NPSR1: variants seen among roughly 807,000 people sequenced by gnomAD.
The protein encoded by NPSR1 is neuropeptide S receptor 1.
In NPSR1, 48 loss-of-function variants were observed where a neutral mutation model predicts 46.9. The observed-to-expected ratio is 1.02, with a 90% CI of 0.81 to 1.30. The LOEUF (loss-of-function observed/expected upper bound fraction) is 1.30, where lower values mean the gene tolerates loss of function less well. Ranked by LOEUF, NPSR1 falls within the 50% of genes most tolerant of loss-of-function variation. The pLI is 0.00. For missense variants in NPSR1, 450 were observed against 449.5 expected (o/e 1.00, Z -0.01); for synonymous variants, 176 against 168.1 (o/e 1.05, Z -0.36).
At chr7:34,870,894 GGATGGATGAATGGATGGATGGATA>G (rs1040990487) in intron 8 of NPSR1, among the ~76,000 whole-genome samples, 20 of 150,342 alleles carry the variant, frequency 1.3e-4, no homozygotes, top group African/African-American at 4.7e-4. Flanking sequence ...ATGGATGGAT[GGATGGATGAATGGATGGATGGATA>G]GATGGATGGA....
chr7:34,784,667 C>A (rs903723285), intron 3 of NPSR1, among the ~76,000 whole-genome samples: 5 of 152,026 alleles, frequency 3.3e-5, no homozygotes, highest in African/African-American at 1.2e-4. Flanking sequence ...GTGTCTCTGC[C>A]AGGCTTTGGT....
intron 2 of NPSR1, chr7:34,751,780 C>T (rs370157934): frequency 5.7e-6 from 9 of 1,588,934 alleles, no homozygotes; most frequent in African/African-American, 1.3e-5. Flanking sequence ...TTTTGCACAG[C>T]CCTGCCATAT....
At chr7:34,692,025 C>T (rs1327608215) in intron 2 of NPSR1, among the ~76,000 whole-genome samples, 3 of 152,050 alleles carry the variant, frequency 2.0e-5, no homozygotes, top group Admixed American at 6.6e-5. Context: ...AAGCAACTTG[C>T]AAGGCTGAGC....
intron 2 of NPSR1, among the ~76,000 whole-genome samples, chr7:34,767,492 G>A (rs1340839794): frequency 6.6e-6 from 1 of 151,694 alleles, no homozygotes; most frequent in Non-Finnish European, 1.5e-5. Flanking sequence ...TTTAATTCTA[G>A]GAATCGTAGA....
chr7:34,677,728 C>A (rs141935163), intron 1 of NPSR1, among the ~76,000 whole-genome samples: 2,751 of 152,264 alleles, frequency 0.018, 33 homozygotes, highest in Middle Eastern at 0.031. Context: ...AGAGACCAGC[C>A]CCAGGGGATT....
At chr7:34,804,548 A>G (rs977814475) in intron 3 of NPSR1, among the ~76,000 whole-genome samples, 1 of 152,058 alleles carries the variant, frequency 6.6e-6, no homozygotes, top group Admixed American at 6.6e-5. Context: ...AGCATCTAAA[A>G]AAACCATACA....
At chr7:34,713,955 T>C (rs1043423772) in intron 2 of NPSR1, among the ~76,000 whole-genome samples, 1 of 152,248 alleles carries the variant, frequency 6.6e-6, no homozygotes, top group African/African-American at 2.4e-5. Flanking sequence ...CCATCCCAAA[T>C]ATTAGTGGCT....
intron 2 of NPSR1, among the ~76,000 whole-genome samples, chr7:34,765,422 T>C (rs565575723): frequency 1.1e-4 from 16 of 152,328 alleles, no homozygotes; most frequent in African/African-American, 3.1e-4. Flanking sequence ...AGAGGATATA[T>C]GGATGGCAAA....
chr7:34,663,904 T>G lies in NPSR1; in HGVS notation c.147+5345T>G, dbSNP rs116309963. Among the ~76,000 whole-genome samples, 754 of 152,328 alleles carry G rather than the reference T, an allele frequency of 4.9e-3. 6 individuals carry two copies. The highest frequency in any genetic ancestry group is 0.018 in the African/African-American group (733 of 41,570). On this transcript the variant is annotated intron_variant, in intron 1 of 8. Coordinates refer to ENST00000360581, the MANE Select transcript of NPSR1 (RefSeq NM_207172.2). ...ACTTGTTTCTGTCCATCTGCATTGA[T>G]AAAGAGTGCAGTCTGAGGACAGTGG...
intron 7 of NPSR1, among the ~76,000 whole-genome samples, chr7:34,846,313 C>T (rs1237571260): frequency 6.6e-6 from 1 of 152,136 alleles, no homozygotes; most frequent in Non-Finnish European, 1.5e-5. Flanking sequence ...CAGGAACACC[C>T]TCTAGAGGGT....
intron 8 of NPSR1, among the ~76,000 whole-genome samples, chr7:34,874,643 T>C (rs1182092652): frequency 6.6e-6 from 1 of 152,200 alleles, no homozygotes; most frequent in Non-Finnish European, 1.5e-5. Flanking sequence ...AAGGGTTGGA[T>C]CTTTGGAGCT....
intron 4 of NPSR1, among the ~76,000 whole-genome samples, chr7:34,813,216 A>C (rs1789079930): frequency 6.6e-6 from 1 of 152,166 alleles, no homozygotes; most frequent in South Asian, 2.1e-4. Context: ...CTATGGAAGA[A>C]GTTTCAGTAC....
At chr7:34,667,991 T>C (rs926226360) in intron 1 of NPSR1, among the ~76,000 whole-genome samples, 26 of 151,610 alleles carry the variant, frequency 1.7e-4, no homozygotes, top group African/African-American at 5.8e-4. Flanking sequence ...TAACATATGT[T>C]AGGGGGGTTA....
chr7:34,746,130 C>T (rs1314926898), intron 2 of NPSR1, among the ~76,000 whole-genome samples: 6 of 152,180 alleles, frequency 3.9e-5, no homozygotes, highest in Non-Finnish European at 4.4e-5. Context: ...AATGTTTCTA[C>T]CTCAATACCA....
At chr7:34,685,731 C>A in intron 2 of NPSR1, 1 of 421,768 alleles carries the variant, frequency 2.4e-6, no homozygotes, top group Non-Finnish European at 4.7e-6. Flanking sequence ...CTGAAATTCC[C>A]CTTTTTCTTT....
rs191956017 is a variant in NPSR1, at chr7:34,825,114, A to G, written c.479-2287A>G. 3.4e-3 allele frequency among the ~76,000 whole-genome samples: 512 copies of G among 152,100 alleles called. 3 individuals carry two copies. Among genetic ancestry groups the G allele is most frequent in the African/African-American group, 0.012 (495 of 41,514 alleles). On this transcript the variant is annotated intron_variant, in intron 4 of 8. Coordinates refer to ENST00000360581, the MANE Select transcript of NPSR1 (RefSeq NM_207172.2). ...CTCAACCTTCCTTTTTAGGTACCTC[A>G]TGGCCTGGTGGTGGTGAAGACATTT...
At chr7:34,813,153 C>A (rs1255469387) in intron 4 of NPSR1, among the ~76,000 whole-genome samples, 1 of 152,062 alleles carries the variant, frequency 6.6e-6, no homozygotes, top group East Asian at 1.9e-4. Context: ...CCTACAATAG[C>A]AGGAATTCAT....
At chr7:34,677,932 C>G (rs1792400832) in intron 1 of NPSR1, among the ~76,000 whole-genome samples, 1 of 152,316 alleles carries the variant, frequency 6.6e-6, no homozygotes, top group Admixed American at 6.5e-5. Flanking sequence ...GACAGAGCCT[C>G]AGTAAGGAAA....
chr7:34,805,463 G>A (rs1300297794), intron 3 of NPSR1, among the ~76,000 whole-genome samples: 4 of 116,354 alleles, frequency 3.4e-5, no homozygotes, highest in African/African-American at 1.4e-4. Flanking sequence ...TGAAAGAGTG[G>A]TTGAATATCC....
Sources: allele counts gnomAD v4.1 joint callset (sites outside exome capture counted in the v4.1 genomes callset), GRCh38; gene constraint gnomAD v4.1.1; transcripts MANE v1.5; gene names NCBI Gene and HGNC (gene_info 2026-07-23, HGNC 2026-07-21).